KIF26B: variants seen among roughly 807,000 people sequenced by gnomAD.
KIF26B encodes the protein kinesin-like protein KIF26B.
KIF26B carries 63 observed loss-of-function variants against 151.2 expected under a neutral mutation model. The ratio of observed to expected loss-of-function variants is 0.42; its 90% CI spans 0.34 to 0.51. The LOEUF is 0.51. Among genes scored for constraint, KIF26B ranks in the 20% least tolerant of loss-of-function variants. The probability of loss-of-function intolerance (pLI) is 0.07; values close to 1 mark genes in which losing one functional copy is unlikely to be tolerated. For missense variants in KIF26B, 2,813 were observed against 2,913.6 expected (o/e 0.97, Z 0.79); for synonymous variants, 1,357 against 1,262.1 (o/e 1.08, Z -1.59).
intron 3 of KIF26B, among the ~76,000 whole-genome samples, chr1:245,388,658 TACCTTAAGGGGGAAAGGGCTAA>T (rs2307963): frequency 0.1 from 15,946 of 152,236 alleles, 1,006 homozygotes; most frequent in East Asian, 0.32. Context: ...GCCTAAACTG[TACCTTAAGGGGGAAAGGGCTAA>T]CAGCCCTTCT....
At chr1:245,380,212 G>A (rs1320436952) in intron 3 of KIF26B, among the ~76,000 whole-genome samples, 1 of 152,184 alleles carries the variant, frequency 6.6e-6, no homozygotes, top group East Asian at 1.9e-4. Flanking sequence ...TGGAGACTTA[G>A]TCCATTTCTG....
chr1:245,394,706 T>TTTTTG (rs1673786323), intron 3 of KIF26B, among the ~76,000 whole-genome samples: 1 of 147,932 alleles, frequency 6.8e-6, no homozygotes, highest in Admixed American at 6.7e-5. Flanking sequence ...TTTTTTTTTT[T>TTTTTG]TGAGATGGAG....
intron 5 of KIF26B, among the ~76,000 whole-genome samples, chr1:245,593,873 G>A (rs529997180): frequency 1.8e-4 from 28 of 152,312 alleles, no homozygotes; most frequent in African/African-American, 6.0e-4. Flanking sequence ...TCTAACTGGT[G>A]TGAGATGGTA....
In KIF26B at chr1:245,684,299, C is replaced by G; in HGVS notation, c.2325C>G (p.Ile775Met). Residue 775 changes from isoleucine to methionine, a missense_variant, in exon 11 of 15, where the codon ATC becomes ATG. By Grantham distance (10) the Ile-to-Met change is conservative (BLOSUM62 1). Transcript: ENST00000407071. ...LGNMNCRTTM[I>M]AHISAAVGSY... ...ACATGAACTGCCGTACCACCATGATCGCGCACATCTCGGCCGCGGTCGGGA... is the reference window on the plus strand; with the variant it reads ...ACATGAACTGCCGTACCACCATGATGGCGCACATCTCGGCCGCGGTCGGGA... 1 of 1,613,982 alleles carries G rather than the reference C, an allele frequency of 6.2e-7. No individual in the cohort carries two copies. The highest frequency in any genetic ancestry group is 8.5e-7 in the Non-Finnish European group (1 of 1,179,872).
At chr1:245,452,219 A>G (rs969591296) in intron 4 of KIF26B, among the ~76,000 whole-genome samples, 2 of 152,242 alleles carry the variant, frequency 1.3e-5, no homozygotes, top group Admixed American at 1.3e-4. Context: ...TTCACTTAGC[A>G]TAATATTTTC....
At chr1:245,219,910 G>A (rs552937733) in intron 2 of KIF26B, among the ~76,000 whole-genome samples, 2 of 152,204 alleles carry the variant, frequency 1.3e-5, no homozygotes, top group South Asian at 4.1e-4. Context: ...CCATATCTAG[G>A]CCTCAAAAGA....
chr1:245,517,643 T>C (rs11590503), intron 4 of KIF26B, among the ~76,000 whole-genome samples: 37,780 of 151,952 alleles, frequency 0.25, 5,731 homozygotes, highest in East Asian at 0.49. Flanking sequence ...GGAGTGAACA[T>C]ACAAATTATC....
intron 3 of KIF26B, among the ~76,000 whole-genome samples, chr1:245,392,964 A>G (rs1463688570): frequency 6.6e-6 from 1 of 152,138 alleles, no homozygotes; most frequent in Non-Finnish European, 1.5e-5. Flanking sequence ...TGAGGTCAGG[A>G]GTTCGGGACC....
intron 4 of KIF26B, among the ~76,000 whole-genome samples, chr1:245,511,306 G>C (rs1486282792): frequency 6.6e-6 from 1 of 152,124 alleles, no homozygotes; most frequent in Non-Finnish European, 1.5e-5. Context: ...CAATGGACTT[G>C]CAGAATACCT....
chr1:245,155,220 C>A lies in KIF26B; in HGVS notation c.-205C>A. The A allele has an allele frequency of 1.7e-6, 1 of 595,642 alleles. No individual in the cohort carries two copies. The highest frequency in any genetic ancestry group is 2.2e-5 in the South Asian group (1 of 44,922). The allele number at this position is 595,642 out of a possible 1,614,324, so 36.9% of individuals were successfully genotyped here. On this transcript the variant is annotated 5_prime_UTR_variant, in exon 1 of 15. Coordinates refer to ENST00000407071, the MANE Select transcript of KIF26B (RefSeq NM_018012.4). ...AGCATGCTTTGAAGAGAAGAATAAACCAGCGACCCCAACCCTTTCTGCAAA... is the reference window on the plus strand; with the variant it reads ...AGCATGCTTTGAAGAGAAGAATAAAACAGCGACCCCAACCCTTTCTGCAAA...
At chr1:245,528,144 G>A (rs1572107486) in intron 4 of KIF26B, among the ~76,000 whole-genome samples, 1 of 152,088 alleles carries the variant, frequency 6.6e-6, no homozygotes, top group South Asian at 2.1e-4. Context: ...CACTGGCGCC[G>A]AGGCTTGCAA....
At chr1:245,163,142 G>A (rs1449476311) in intron 2 of KIF26B, among the ~76,000 whole-genome samples, 1 of 152,062 alleles carries the variant, frequency 6.6e-6, no homozygotes, top group Non-Finnish European at 1.5e-5. Flanking sequence ...GTTGTATCTG[G>A]ACCTATTACA....
At chr1:245,632,614 G>A (rs1201517794) in intron 9 of KIF26B, among the ~76,000 whole-genome samples, 1 of 152,186 alleles carries the variant, frequency 6.6e-6, no homozygotes, top group Non-Finnish European at 1.5e-5. Context: ...CTAAAGCGGA[G>A]TGGTGGACCA....
rs1484625223 is a variant in KIF26B at position 245,685,718 on chromosome 1, C to T, written c.2735C>T (p.Ala912Val). The T allele has an allele frequency of 6.2e-7, 1 of 1,611,886 alleles. No individual in the cohort carries two copies. The highest frequency in any genetic ancestry group is 2.2e-5 in the East Asian group (1 of 44,850). The change falls in exon 12 of 15, where the codon GCA (alanine) becomes GTA (valine). Residue 912 changes from alanine to valine, a missense_variant. Transcript: ENST00000407071. Reference protein sequence around the residue: ...DSRPAEAGEAAAGKSERDCLK... With the variant: ...DSRPAEAGEAVAGKSERDCLK... ...CGGCCCGCAGAGGCAGGAGAGGCTGCAGCCGGCAAGTCAGAAAGGGACTGC... is the reference window on the plus strand; with the variant it reads ...CGGCCCGCAGAGGCAGGAGAGGCTGTAGCCGGCAAGTCAGAAAGGGACTGC...
rs187170799 is a variant in KIF26B, at chr1:245,539,858, G to A, written c.1167-909G>A. 3.5e-3 allele frequency among the ~76,000 whole-genome samples: 538 copies of A among 152,208 alleles called. 9 individuals are homozygous for A. Among genetic ancestry groups the A allele is most frequent in the Admixed American group, 0.031 (475 of 15,280 alleles). On this transcript the variant is annotated intron_variant, in intron 4 of 14. Coordinates refer to ENST00000407071, the MANE Select transcript of KIF26B (RefSeq NM_018012.4). ...AGTAGAGATGGGGTTTCTCCATGTT[G>A]GCCAGGCTGGTCTCGAACTCCTGAC...
intron 5 of KIF26B, among the ~76,000 whole-genome samples, chr1:245,567,306 G>T (rs2043019311): frequency 6.6e-6 from 1 of 152,182 alleles, no homozygotes; most frequent in African/African-American, 2.4e-5. Context: ...CCACAGAAAT[G>T]ACTCTTTGGA....
At chr1:245,362,513 T>C (rs6691657) in intron 2 of KIF26B, among the ~76,000 whole-genome samples, 30,030 of 149,870 alleles carry the variant, frequency 0.2, 7,218 homozygotes, top group African/African-American at 0.57. Context: ...GCTCCAGTCT[T>C]GCGACAGAGC....
intron 4 of KIF26B, among the ~76,000 whole-genome samples, chr1:245,487,063 G>A (rs1660297607): frequency 6.6e-6 from 1 of 152,042 alleles, no homozygotes; most frequent in Non-Finnish European, 1.5e-5. Flanking sequence ...CTCCCTGTAT[G>A]TGTGGAATGA....
intron 4 of KIF26B, among the ~76,000 whole-genome samples, chr1:245,455,377 G>A (rs1659494716): frequency 6.6e-6 from 1 of 152,082 alleles, no homozygotes; most frequent in Non-Finnish European, 1.5e-5. Flanking sequence ...GGTTACACGT[G>A]CCTATAGTCC....
Sources: gnomAD v4.1 joint callset for allele counts (sites outside exome capture counted in the v4.1 genomes callset) on GRCh38, gnomAD v4.1.1 for gene constraint, MANE v1.5 for transcripts, NCBI Gene and HGNC (gene_info 2026-07-23, HGNC 2026-07-21) for gene names.